Variants in PLA2G4C observed in about 807,000 individuals in gnomAD.
PLA2G4C encodes cytosolic phospholipase A2 gamma.
A neutral mutation model predicts 73.8 loss-of-function variants in PLA2G4C; 64 were observed. That is an observed-to-expected ratio of 0.87 (90% confidence interval 0.71 to 1.07). The LOEUF (loss-of-function observed/expected upper bound fraction) is 1.07. Among genes scored for constraint, PLA2G4C ranks in the 50% least tolerant of loss-of-function variants. The probability of loss-of-function intolerance (pLI) is 0.00; values close to 1 mark genes in which losing one functional copy is unlikely to be tolerated. For synonymous variants in PLA2G4C, 254 were observed against 252.1 expected (o/e 1.01, Z -0.07); for missense variants, 622 against 665.4 (o/e 0.93, Z 0.72).
chr19:48,056,650 G>A (rs927929726), intron 14 of PLA2G4C, among the ~76,000 whole-genome samples: 2 of 151,382 alleles, frequency 1.3e-5, no homozygotes, highest in African/African-American at 4.9e-5. Context: ...GGCTAACACA[G>A]TGAAACCCCA....
At chr19:48,077,728 T>C in intron 11 of PLA2G4C, 43 bp downstream of exon 11, 1 of 1,445,276 alleles carries the variant, frequency 6.9e-7, no homozygotes. Flanking sequence ...CAGTGTGCAG[T>C]CCACACTATC....
intron 16 of PLA2G4C, chr19:48,051,665 C>CCCAAGAT (rs901888582): frequency 2.5e-4 from 38 of 152,040 alleles, no homozygotes; most frequent in African/African-American, 8.7e-4. Context: ...GGAAGCCACC[C>CCCAAGAT]CCAAGATCCA....
chr19:48,081,212 T>C (rs1336122532), intron 10 of PLA2G4C, among the ~76,000 whole-genome samples: 1 of 148,912 alleles, frequency 6.7e-6, no homozygotes, highest in East Asian at 2.0e-4. Context: ...GACAAATGAG[T>C]GGATACAGAA....
intron 7 of PLA2G4C, among the ~76,000 whole-genome samples, chr19:48,092,177 G>A (rs1004392113): frequency 2.0e-5 from 3 of 152,070 alleles, no homozygotes; most frequent in African/African-American, 4.8e-5. Context: ...AGCCTCCTGA[G>A]TAACTGGAAT....
Position 48,095,215 on chromosome 19 carries a change from C to G in PLA2G4C, c.709+249G>C, listed in dbSNP as rs371501654. Among the ~76,000 whole-genome samples the G allele has an allele frequency of 4.6e-5, 7 of 152,218 alleles. No individual in the cohort carries two copies. In the East Asian group the frequency reaches 1.4e-3, roughly 29 times the overall value. On this transcript the variant is annotated intron_variant, in intron 7 of 16. Transcript: ENST00000599921. ...GGAAGCCACAGCCCTGGACTTGAGC[C>G]CCTCTATTAAGCTCCCTCTCCTGGA...
intron 1 of PLA2G4C, chr19:48,108,771 G>C (rs1418008982): frequency 6.6e-6 from 1 of 152,070 alleles, no homozygotes; most frequent in Non-Finnish European, 1.5e-5. Flanking sequence ...TCTACTAAAA[G>C]TACAAAAGTC....
At chr19:48,068,298 C>CA (rs1330574453) in intron 12 of PLA2G4C, among the ~76,000 whole-genome samples, 1 of 92,144 alleles carries the variant, frequency 1.1e-5, no homozygotes, top group Admixed American at 1.4e-4. Context: ...AGCGAGACTC[C>CA]ATCTCAAAAA....
chr19:48,053,438 T>C (rs1474639680), intron 15 of PLA2G4C, among the ~76,000 whole-genome samples: 2 of 150,228 alleles, frequency 1.3e-5, no homozygotes, highest in Non-Finnish European at 3.0e-5. Flanking sequence ...GGCACAATCT[T>C]GGGTGACTGT....
At chr19:48,070,198 T>C (rs1245212691) in intron 12 of PLA2G4C, among the ~76,000 whole-genome samples, 1 of 152,184 alleles carries the variant, frequency 6.6e-6, no homozygotes, top group Non-Finnish European at 1.5e-5. Context: ...GGGAGGATGG[T>C]TTAACATGTC....
In PLA2G4C at chr19:48,105,375, A is replaced by C; in HGVS notation, c.78T>G (p.His26Gln). Residue 26 changes from histidine (H) to glutamine (Q), a missense_variant, in exon 3 of 17, where the codon CAT becomes CAG. His to Gln is a conservative substitution (Grantham distance 24). Transcript: ENST00000599921. ...EKAAVERRRL[H>Q]VLKALKKLRI... ...TTAGCTTCTTCAGAGCTTTCAGCAC[A>C]TGAAGTCTTCGTCTCTCCACGGCCG... The C allele has an allele frequency of 6.2e-7, 1 of 1,613,940 alleles. No individual in the cohort carries two copies. Among genetic ancestry groups the C allele is most frequent in the Non-Finnish European group, 8.5e-7 (1 of 1,179,920 alleles).
chr19:48,100,603 T>TAA (rs745962740), intron 4 of PLA2G4C, among the ~76,000 whole-genome samples: 5,300 of 40,568 alleles, frequency 0.13, 770 homozygotes, highest in African/African-American at 0.32. Context: ...TGACTCCATC[T>TAA]AAAAAAAAAA....
chr19:48,097,956 G>A (rs1212112178), intron 6 of PLA2G4C, 183 bp downstream of exon 6: 2 of 578,026 alleles, frequency 3.5e-6, no homozygotes, highest in Middle Eastern at 4.7e-4. Context: ...GCAAGTGCAT[G>A]TCCTCTGGTC....
chr19:48,108,327 G>A (rs1194128552), intron 1 of PLA2G4C, among the ~76,000 whole-genome samples: 1 of 152,070 alleles, frequency 6.6e-6, no homozygotes, highest in East Asian at 1.9e-4. Flanking sequence ...TAGAGATTGA[G>A]GTCTCACTAT....
At chr19:48,109,701 G>C (rs1275851319) in intron 1 of PLA2G4C, among the ~76,000 whole-genome samples, 1 of 152,082 alleles carries the variant, frequency 6.6e-6, no homozygotes, top group Admixed American at 6.5e-5. Context: ...CTAGGCTGGA[G>C]TGCAGTGGCG....
In PLA2G4C at chr19:48,102,870, G is replaced by A. The variant is rs569551125; in HGVS notation, c.257+1718C>T. Among the ~76,000 whole-genome samples the A allele has an allele frequency of 5.3e-5, 8 of 152,194 alleles. No individual in the cohort carries two copies. In the East Asian group the frequency reaches 7.7e-4, roughly 15 times the overall value. Reference sequence around the variant, plus strand: ...GTGTCGCCCTCTCCATGAGGCAGGCGTTCCTGTGAAGGACCTCCTCACACA... The same window carrying A: ...GTGTCGCCCTCTCCATGAGGCAGGCATTCCTGTGAAGGACCTCCTCACACA... On this transcript the variant is annotated intron_variant, in intron 4 of 16. Transcript: ENST00000599921.
chr19:48,055,638 A>ACTT (rs112928327), intron 14 of PLA2G4C, among the ~76,000 whole-genome samples: 25 of 151,114 alleles, frequency 1.7e-4, no homozygotes, highest in African/African-American at 4.4e-4. Context: ...CCGTGAAGGT[A>ACTT]CTTTTCTTTT....
intron 2 of PLA2G4C, among the ~76,000 whole-genome samples, chr19:48,105,947 C>T (rs187618839): frequency 0.23 from 2,124 of 9,118 alleles, 592 homozygotes; most frequent in African/African-American, 0.58. Context: ...CCCTCCCTCC[C>T]TTCTTTCTTT....
At chr19:48,101,122 ATATATT>A (rs1418823867) in intron 4 of PLA2G4C, among the ~76,000 whole-genome samples, 1 of 66,544 alleles carries the variant, frequency 1.5e-5, no homozygotes, top group East Asian at 3.6e-4. Flanking sequence ...ATATATATAT[ATATATT>A]TTTTTTTTTT....
intron 14 of PLA2G4C, 151 bp from the exon 15 acceptor site, chr19:48,055,200 G>A: frequency 3.0e-6 from 2 of 677,448 alleles, no homozygotes; most frequent in South Asian, 1.9e-5. Context: ...AACATCTTCT[G>A]TAAGGGAAAG....
Sources: gnomAD v4.1 joint callset for allele counts (sites outside exome capture counted in the v4.1 genomes callset) on GRCh38, gnomAD v4.1.1 for gene constraint, MANE v1.5 for transcripts, NCBI Gene and HGNC (gene_info 2026-07-23, HGNC 2026-07-21) for gene names.